The following PCDH15 variants were observed in gnomAD, a reference collection of about 807,000 sequenced individuals.
PCDH15 encodes the protein protocadherin-15.
In PCDH15, 129 loss-of-function variants were observed where a neutral mutation model predicts 178.5. That is an observed-to-expected ratio of 0.72 (90% CI 0.63 to 0.84). PCDH15 has a LOEUF of 0.84. Ranked by LOEUF, PCDH15 falls within the 40% of genes least tolerant of loss-of-function variation. PCDH15 has a pLI of 0.00. For synonymous variants in PCDH15, 800 were observed against 732.0 expected, an observed-to-expected ratio of 1.09 and a Z score of -1.50; for missense variants, 2,230 against 2,099.9, an observed-to-expected ratio of 1.06 and a Z score of -1.21.
chr10:54,695,785 C>T (rs1314319255), intron 1 of PCDH15, among the ~76,000 whole-genome samples: 1 of 151,804 alleles, frequency 6.6e-6, no homozygotes, highest in Non-Finnish European at 1.5e-5. Flanking sequence ...ATAACAAAGC[C>T]TGGATAACAG....
intron 2 of PCDH15, among the ~76,000 whole-genome samples, chr10:55,022,452 C>CA (rs373971818): frequency 0.52 from 52,007 of 99,160 alleles, 13,618 homozygotes; most frequent in East Asian, 0.7. Flanking sequence ...ACTCTGTCTC[C>CA]AAAAAAAAAA....
chr10:54,265,976 T>C (rs1018352198), intron 8 of PCDH15, among the ~76,000 whole-genome samples: 4 of 151,936 alleles, frequency 2.6e-5, no homozygotes, highest in African/African-American at 4.8e-5. Flanking sequence ...ACAAAATATA[T>C]ATTTTTCTCA....
intron 2 of PCDH15, among the ~76,000 whole-genome samples, chr10:54,553,583 C>G (rs905114167): frequency 5.9e-5 from 9 of 152,124 alleles, no homozygotes; most frequent in Non-Finnish European, 1.5e-5. Flanking sequence ...AGACATGGAT[C>G]CTGATAAGTT....
At chr10:55,069,349 C>T (rs1841659508) in intron 2 of PCDH15, among the ~76,000 whole-genome samples, 1 of 145,074 alleles carries the variant, frequency 6.9e-6, no homozygotes, top group African/African-American at 2.6e-5. Flanking sequence ...CATATGTATA[C>T]ATGTGCCATG....
At chr10:54,278,009 T>C (rs963234099) in intron 8 of PCDH15, among the ~76,000 whole-genome samples, 1 of 151,580 alleles carries the variant, frequency 6.6e-6, no homozygotes, top group African/African-American at 2.4e-5. Flanking sequence ...TATCTACATC[T>C]TTGAATTCAG....
chr10:53,914,174 A>C (rs1308172330), intron 25 of PCDH15, among the ~76,000 whole-genome samples: 1 of 152,192 alleles, frequency 6.6e-6, no homozygotes, highest in African/African-American at 2.4e-5. Context: ...TGGGAGTTTA[A>C]ACTAGTTTAA....
chr10:54,520,706 A>G (rs1466234628), intron 3 of PCDH15, among the ~76,000 whole-genome samples: 1 of 151,478 alleles, frequency 6.6e-6, no homozygotes, highest in Non-Finnish European at 1.5e-5. Context: ...CAGCCATCCC[A>G]TTACTGGATA....
At chr10:54,904,304 G>T (rs1400119699) in intron 2 of PCDH15, among the ~76,000 whole-genome samples, 2 of 151,724 alleles carry the variant, frequency 1.3e-5, no homozygotes, top group African/African-American at 4.8e-5. Context: ...TTCATGTAAG[G>T]TTGTACTTTA....
chr10:54,363,823 T>C (rs1200540123), intron 5 of PCDH15, among the ~76,000 whole-genome samples: 2 of 152,214 alleles, frequency 1.3e-5, no homozygotes, highest in Non-Finnish European at 2.9e-5. Context: ...ATAAATATAA[T>C]TAAAACTCCA....
intron 3 of PCDH15, among the ~76,000 whole-genome samples, chr10:54,832,292 A>T (rs1953238355): frequency 6.6e-6 from 1 of 152,194 alleles, no homozygotes; most frequent in Non-Finnish European, 1.5e-5. Context: ...GTCAGACCTG[A>T]TTTAACTCTG....
chr10:55,529,885 G>C (rs530053788), intron 2 of PCDH15, among the ~76,000 whole-genome samples: 1 of 150,054 alleles, frequency 6.7e-6, no homozygotes, highest in East Asian at 2.0e-4. Flanking sequence ...TCATGGATAT[G>C]CTACGTTAAT....
intron 2 of PCDH15, among the ~76,000 whole-genome samples, chr10:55,141,072 C>T (rs1838340870): frequency 6.6e-6 from 1 of 151,860 alleles, no homozygotes. Context: ...CACCCACCTC[C>T]TTGAGTCTAT....
At chr10:54,931,936 CAT>C (rs1383600659) in intron 2 of PCDH15, among the ~76,000 whole-genome samples, 1 of 152,082 alleles carries the variant, frequency 6.6e-6, no homozygotes, top group Admixed American at 6.6e-5. Context: ...AATGCACCTC[CAT>C]ATTAAAGACC....
chr10:55,595,606 TTTAAG>T (rs1842922296), intron 2 of PCDH15, among the ~76,000 whole-genome samples: 2 of 152,102 alleles, frequency 1.3e-5, no homozygotes, highest in African/African-American at 4.8e-5. Flanking sequence ...GCAACTTTTA[TTTAAG>T]TTATTTTTTT....
chr10:53,982,262 C>T lies in PCDH15; in HGVS notation c.2868+13387G>A, dbSNP rs577006387. Among the ~76,000 whole-genome samples, 8 of 152,232 alleles carry T rather than the reference C, an allele frequency of 5.3e-5. No individual in the cohort carries two copies. The South Asian group carries it at 8.3e-4, about 16-fold the overall frequency. On this transcript the variant is annotated intron_variant, in intron 21 of 37. Coordinates refer to ENST00000644397, the MANE Select transcript of PCDH15 (RefSeq NM_001384140.1). Reference sequence around the variant, plus strand: ...TCAACCACTGTGGAAGTCAGTGTGGCGATTCCTCAGGGATCTAGAACTAGA... The same window carrying T: ...TCAACCACTGTGGAAGTCAGTGTGGTGATTCCTCAGGGATCTAGAACTAGA...
intron 1 of PCDH15, among the ~76,000 whole-genome samples, chr10:54,705,648 CAT>C (rs569928936): frequency 2.9e-3 from 443 of 152,198 alleles, no homozygotes; most frequent in Non-Finnish European, 3.4e-3. Context: ...ACAAAAAGTG[CAT>C]AGAGACCATT....
At chr10:54,412,489 A>G (rs373913467) in intron 3 of PCDH15, among the ~76,000 whole-genome samples, 1 of 152,130 alleles carries the variant, frequency 6.6e-6, no homozygotes, top group Non-Finnish European at 1.5e-5. Flanking sequence ...TGACCAAGAC[A>G]TCTCTGTTCT....
chr10:54,729,407 T>G (rs1045563501), intron 1 of PCDH15, among the ~76,000 whole-genome samples: 1 of 151,104 alleles, frequency 6.6e-6, no homozygotes, highest in Non-Finnish European at 1.5e-5. Flanking sequence ...TCACCACATA[T>G]AAAAATGGAT....
At chr10:53,931,054 TA>T (rs1353008339) in intron 25 of PCDH15, among the ~76,000 whole-genome samples, 5 of 152,148 alleles carry the variant, frequency 3.3e-5, no homozygotes, top group Non-Finnish European at 2.9e-5. Flanking sequence ...GTAGGGAGTC[TA>T]GAGGGCCAGA....
Sources: gnomAD v4.1 joint callset for allele counts (sites outside exome capture counted in the v4.1 genomes callset) on GRCh38, gnomAD v4.1.1 for gene constraint, MANE v1.5 for transcripts, NCBI Gene and HGNC (gene_info 2026-07-23, HGNC 2026-07-21) for gene names.